The following TRIM66 variants were observed in gnomAD, a reference collection of about 807,000 sequenced individuals.
TRIM66 encodes the protein tripartite motif-containing protein 66.
TRIM66 carries 99 observed loss-of-function variants against 148.2 expected under a neutral mutation model. The observed-to-expected ratio is 0.67, with a 90% CI of 0.57 to 0.79. The LOEUF is 0.79. TRIM66 is among the 30% of genes least tolerant of loss of function. The pLI is 0.00. For synonymous variants in TRIM66, 616 were observed against 635.9 expected, an observed-to-expected ratio of 0.97 and a Z score of 0.47; for missense variants, 1,666 against 1,697.9, an observed-to-expected ratio of 0.98 and a Z score of 0.33.
At chr11:8,643,628 C>T (rs1592112029) in intron 12 of TRIM66, among the ~76,000 whole-genome samples, 1 of 152,140 alleles carries the variant, frequency 6.6e-6, no homozygotes, top group African/African-American at 2.4e-5. Context: ...AGGCGTGAGC[C>T]ACCGCACCTG....
chr11:8,629,519 C>T (rs2035192061), intron 15 of TRIM66, among the ~76,000 whole-genome samples: 1 of 152,062 alleles, frequency 6.6e-6, no homozygotes, highest in African/African-American at 2.4e-5. Context: ...AGATAAAATC[C>T]CCAAGGACAA....
intron 14 of TRIM66, 113 bp from the exon 15 acceptor site, chr11:8,638,928 C>T: frequency 2.7e-6 from 3 of 1,128,994 alleles, no homozygotes; most frequent in South Asian, 3.2e-5. Context: ...ACCACTTGCA[C>T]ATTGTGGACT....
rs1054327837 is a variant in TRIM66, at chr11:8,614,228, A to T, written c.*3716T>A. Reference sequence around the variant, plus strand: ...GTGGCATGCACCTGTAGTCCCAGCTACTCAGGAGGCTGAGATGGGAGGATC... The same window carrying T: ...GTGGCATGCACCTGTAGTCCCAGCTTCTCAGGAGGCTGAGATGGGAGGATC... On this transcript the variant is annotated 3_prime_UTR_variant, in exon 25 of 25. Transcript: ENST00000646038. The T allele has an allele frequency of 6.6e-6, 1 of 152,170 alleles. No homozygotes were observed. Among genetic ancestry groups the T allele is most frequent in the Non-Finnish European group, 1.5e-5 (1 of 68,128 alleles). The allele number at this position is 152,170 out of a possible 1,614,324, so 9.4% of individuals were successfully genotyped here.
intron 18 of TRIM66, among the ~76,000 whole-genome samples, chr11:8,622,391 T>C (rs2034378417): frequency 7.4e-6 from 1 of 136,030 alleles, no homozygotes; most frequent in African/African-American, 2.7e-5. Context: ...TATCTCCTAC[T>C]TGTTCTGTGC....
At position 8,620,542 on chromosome 11, in the gene TRIM66, G is replaced by C. The variant is rs376336460; in HGVS notation, c.3576C>G (p.Ser1192Arg). ...CGTACTCCATCTCGGGCTGGGTCAG[G>C]CTGCGGCACAAGGTACACACCCACT... is the stretch of plus-strand genomic sequence containing the variant. ...GGEWVCTLCR[S>R]LTQPEMEYDC... The change falls in exon 21 of 25, where the codon AGC becomes AGG. Residue 1192 changes from serine (S) to arginine (R), a missense_variant. By Grantham distance (110) the Ser-to-Arg change is moderately radical. Transcript: ENST00000646038. 5 of 1,551,674 alleles carry C rather than the reference G, an allele frequency of 3.2e-6. No homozygotes were observed. The African/African-American group carries it at 5.5e-5, about 17-fold the overall frequency.
chr11:8,640,712 G>T lies in TRIM66; in HGVS notation c.1663C>A (p.Pro555Thr). ...TCCTGTGGGGGGACAATGCACACGG[G>T]CTGGGAAGTCAGCTGCTGCCCCAGC... The part of the protein sequence containing the change: ...QRLGQQLTSQ[P>T]VCIVPPQDVQ... The change falls in exon 14 of 25, where the codon CCC becomes ACC. Residue 555 changes from proline to threonine, a missense_variant. Transcript: ENST00000646038. The T allele has an allele frequency of 6.4e-7, 1 of 1,551,600 alleles. No homozygotes were observed.
intron 15 of TRIM66, among the ~76,000 whole-genome samples, chr11:8,636,955 C>G (rs1033336282): frequency 1.3e-5 from 2 of 152,122 alleles, no homozygotes; most frequent in African/African-American, 2.4e-5. Flanking sequence ...CTGAAGCCCC[C>G]CTAACTGCCC....
At chr11:8,628,590 G>A (rs2141939553) in intron 15 of TRIM66, among the ~76,000 whole-genome samples, 1 of 123,948 alleles carries the variant, frequency 8.1e-6, no homozygotes, top group East Asian at 2.7e-4. Context: ...TCCAGCCTAG[G>A]CAACAGAGGA....
chr11:8,660,969 GAA>G (rs1213824827), intron 6 of TRIM66, among the ~76,000 whole-genome samples: 1 of 152,264 alleles, frequency 6.6e-6, no homozygotes, highest in African/African-American at 2.4e-5. Context: ...ACCAGATTAT[GAA>G]AAGACTTGGA....
At chr11:8,620,247 C>A in intron 21 of TRIM66, 123 bp from the exon 22 acceptor site, 2 of 1,303,140 alleles carry the variant, frequency 1.5e-6, no homozygotes, top group Non-Finnish European at 2.1e-6. Context: ...CATACTAAGG[C>A]ACAATTCAGG....
chr11:8,677,615 AAAC>A (rs2039238009), intron 3 of TRIM66, among the ~76,000 whole-genome samples: 1 of 151,392 alleles, frequency 6.6e-6, no homozygotes, highest in Non-Finnish European at 1.5e-5. Flanking sequence ...TTATCTTTAA[AAAC>A]AACAACAAAA....
chr11:8,647,445 GAA>G (rs10604996), intron 10 of TRIM66, among the ~76,000 whole-genome samples: 130,319 of 152,000 alleles, frequency 0.86, 56,176 homozygotes, highest in Non-Finnish European at 0.9. Context: ...CTAACTGAAA[GAA>G]TGGCAAGAAC....
In TRIM66 at chr11:8,661,777, A is replaced by G. The variant is rs550697524; in HGVS notation, c.341-9874T>C. 1.6e-4 allele frequency among the ~76,000 whole-genome samples: 25 copies of G among 152,242 alleles called. No individual in the cohort carries two copies. The South Asian group carries it at 5.0e-3, about 30-fold the overall frequency. ...GGGCCTTCCCTGCCTTTTGGCCTCC[A>G]CAGCACTCAACCCTAACCACTCCCC... On this transcript the variant is annotated intron_variant, in intron 6 of 24. Transcript: ENST00000646038.
rs374264891 is a variant in TRIM66, at chr11:8,681,403, G to A, written c.-548+1198C>T. Among the ~76,000 whole-genome samples the A allele has an allele frequency of 5.0e-3, 763 of 152,196 alleles. 3 individuals carry two copies. The highest frequency in any genetic ancestry group is 7.0e-3 in the Non-Finnish European group (478 of 68,032). On this transcript the variant is annotated intron_variant, in intron 1 of 24. Coordinates refer to ENST00000646038, the MANE Select transcript of TRIM66 (RefSeq NM_001388022.1). ...CCGCCTCGGCCTTCCAAAGTGCTGG[G>A]ATTACAGAAGTAAGCCACCACGCCC...
chr11:8,631,130 C>T (rs1379553893), intron 15 of TRIM66, among the ~76,000 whole-genome samples: 2 of 152,234 alleles, frequency 1.3e-5, no homozygotes, highest in Admixed American at 6.5e-5. Flanking sequence ...CCTAGATTTC[C>T]CAAGCTCATA....
At position 8,645,777 on chromosome 11, in the gene TRIM66, G is replaced by A. The variant is rs1248853035; in HGVS notation, c.1068C>T (p.Ser356=). 2 of 1,551,640 alleles carry A rather than the reference G, an allele frequency of 1.3e-6. No homozygotes were observed. Among genetic ancestry groups the A allele is most frequent in the African/African-American group, 1.4e-5 (1 of 73,048 alleles). Residue 356 remains serine (S), a synonymous_variant, in exon 12 of 25, where the codon AGC becomes AGT. Transcript: ENST00000646038. ...VQNFINWAVC[S]KTSVPFLFSK... is the part of the protein sequence containing the mutation. ...TGAAAAGAAAAGGGACACTGGTTTT[G>A]CTGCAGACAGCCCAGTTGATGAAAT...
At chr11:8,661,673 G>A (rs972099284) in intron 6 of TRIM66, among the ~76,000 whole-genome samples, 1 of 152,148 alleles carries the variant, frequency 6.6e-6, no homozygotes, top group Non-Finnish European at 1.5e-5. Context: ...GCAAGTGACC[G>A]ATTATGTGGT....
chr11:8,642,268 A>G (rs1015745110), intron 13 of TRIM66, among the ~76,000 whole-genome samples: 12 of 152,260 alleles, frequency 7.9e-5, no homozygotes, highest in Non-Finnish European at 1.6e-4. Context: ...AAACAAGAGT[A>G]GGTGGCCATC....
intron 4 of TRIM66, 84 bp from the exon 5 acceptor site, chr11:8,672,469 G>C: frequency 7.4e-7 from 1 of 1,349,420 alleles, no homozygotes; most frequent in Non-Finnish European, 9.8e-7. Context: ...ATTTCAAAGG[G>C]GTTGAGACAC....
Sources: allele counts gnomAD v4.1 joint callset (sites outside exome capture counted in the v4.1 genomes callset), GRCh38; gene constraint gnomAD v4.1.1; transcripts MANE v1.5; gene names NCBI Gene and HGNC (gene_info 2026-07-23, HGNC 2026-07-21).